The following CHST11 variants were observed in gnomAD, a reference collection of about 807,000 sequenced individuals.
CHST11 encodes the protein C4S-1.
CHST11 carries 9 observed loss-of-function variants against 30.4 expected under a neutral mutation model. The ratio of observed to expected loss-of-function variants is 0.30; its 90% CI spans 0.18 to 0.52. The LOEUF (loss-of-function observed/expected upper bound fraction) is 0.52. CHST11 is among the 20% of genes least tolerant of loss of function. The probability of loss-of-function intolerance (pLI) is 0.97; values close to 1 mark genes in which losing one functional copy is unlikely to be tolerated. For missense variants in CHST11, 348 were observed against 460.6 expected, an observed-to-expected ratio of 0.76 and a Z score of 2.24; for synonymous variants, 152 against 187.8, an observed-to-expected ratio of 0.81 and a Z score of 1.56.
chr12:104,747,664 A>G (rs1174049909), intron 2 of CHST11, among the ~76,000 whole-genome samples: 1 of 152,148 alleles, frequency 6.6e-6, no homozygotes, highest in Non-Finnish European at 1.5e-5. Context: ...GGGGTTTTGC[A>G]TTCAGATTTT....
At chr12:104,478,445 G>T (rs1205532326) in intron 1 of CHST11, among the ~76,000 whole-genome samples, 1 of 152,072 alleles carries the variant, frequency 6.6e-6, no homozygotes, top group African/African-American at 2.4e-5. Context: ...CTGAATTCTG[G>T]AGTCTCCACT....
chr12:104,481,764 AC>A (rs1184898785), intron 1 of CHST11, among the ~76,000 whole-genome samples: 2 of 145,462 alleles, frequency 1.4e-5, no homozygotes, highest in East Asian at 4.5e-4. Context: ...TGTAAATAGG[AC>A]TGTTTCCTTC....
intron 1 of CHST11, among the ~76,000 whole-genome samples, chr12:104,592,700 C>A (rs2038871690): frequency 6.6e-6 from 1 of 152,210 alleles, no homozygotes; most frequent in Non-Finnish European, 1.5e-5. Flanking sequence ...CATTCTCTTT[C>A]CTTCTGTGAA....
At chr12:104,476,393 C>T (rs1030307280) in intron 1 of CHST11, among the ~76,000 whole-genome samples, 1 of 151,354 alleles carries the variant, frequency 6.6e-6, no homozygotes, top group Non-Finnish European at 1.5e-5. Context: ...AAGATGAAAT[C>T]GTCAGGCTTA....
rs139156586 is a variant in CHST11 at position 104,621,586 on chromosome 12, C to T, written c.204+19595C>T. The stretch of plus-strand genomic sequence containing the variant: ...GATAAGGGAGGCAGGAGTGTCAAAG[C>T]CAGGAAAAGAGATGTTGTGAGGATG... On this transcript the variant is annotated intron_variant, in intron 2 of 2. Coordinates refer to ENST00000303694, the MANE Select transcript of CHST11 (RefSeq NM_018413.6). 4.0e-3 allele frequency among the ~76,000 whole-genome samples: 604 copies of T among 152,160 alleles called. 6 individuals carry two copies. Among genetic ancestry groups the T allele is most frequent in the African/African-American group, 0.014 (571 of 41,500 alleles).
Position 104,758,066 on chromosome 12 carries a change from A to T in CHST11, c.*263A>T, listed in dbSNP as rs2040494980. On this transcript the variant is annotated 3_prime_UTR_variant, in exon 3 of 3. Transcript: ENST00000303694. ...TTCTTGTGTTCTGGTGAATTCCATGAATTGTGCATTCCATAAATTCTAATT... is the reference window on the plus strand; with the variant it reads ...TTCTTGTGTTCTGGTGAATTCCATGTATTGTGCATTCCATAAATTCTAATT... 1 of 347,290 alleles carries T rather than the reference A, an allele frequency of 2.9e-6. No homozygotes were observed. Among genetic ancestry groups the T allele is most frequent in the Non-Finnish European group, 5.2e-6 (1 of 192,184 alleles). The allele number at this position is 347,290 out of a possible 1,614,324, so 21.5% of individuals were successfully genotyped here. A position where few individuals can be genotyped will look rare whatever the true frequency, so the allele number is the denominator to read the frequency against.
intron 1 of CHST11, among the ~76,000 whole-genome samples, chr12:104,584,715 A>G (rs2038784622): frequency 6.6e-6 from 1 of 152,164 alleles, no homozygotes; most frequent in African/African-American, 2.4e-5. Context: ...TTATTTTAAT[A>G]ACAGTAGCAT....
At chr12:104,464,458 T>C (rs1214107510) in intron 1 of CHST11, among the ~76,000 whole-genome samples, 3 of 152,014 alleles carry the variant, frequency 2.0e-5, no homozygotes, top group Non-Finnish European at 2.9e-5. Flanking sequence ...TACCACCTGC[T>C]CCCCCTTGAC....
chr12:104,757,444 G>T lies in CHST11; in HGVS notation c.700G>T (p.Asp234Tyr). The T allele has an allele frequency of 1.2e-6, 2 of 1,614,016 alleles. No individual in the cohort carries two copies. Among genetic ancestry groups the T allele is most frequent in the Non-Finnish European group, 1.7e-6 (2 of 1,180,014 alleles). Residue 234 changes from aspartate to tyrosine, a missense_variant, in exon 3 of 3, where the codon GAT becomes TAT. By Grantham distance (160) the Asp-to-Tyr change is radical. Coordinates refer to ENST00000303694, the MANE Select transcript of CHST11 (RefSeq NM_018413.6). The surrounding 1 kb of genome is among the most constrained non-coding windows in gnomAD (Gnocchi z 6.5). ...ATQEALRKGD[D>Y]VKFEEFVAYL... Reference sequence around the variant, plus strand: ...CCAGGAGGCCCTGCGCAAAGGGGACGATGTCAAATTCGAGGAGTTTGTGGC... The same window carrying T: ...CCAGGAGGCCCTGCGCAAAGGGGACTATGTCAAATTCGAGGAGTTTGTGGC...
chr12:104,509,734 T>G (rs118061512), intron 1 of CHST11, among the ~76,000 whole-genome samples: 1 of 152,372 alleles, frequency 6.6e-6, no homozygotes, highest in East Asian at 1.9e-4. Context: ...GATAGGCATA[T>G]GCTAGCAAGC....
At chr12:104,710,854 T>C (rs554532326) in intron 2 of CHST11, among the ~76,000 whole-genome samples, 33 of 152,330 alleles carry the variant, frequency 2.2e-4, no homozygotes, top group Middle Eastern at 3.4e-3. Context: ...CAAACTTCTC[T>C]ACAGCTTCTT....
chr12:104,572,768 T>G (rs1049712471), intron 1 of CHST11, among the ~76,000 whole-genome samples: 2 of 152,244 alleles, frequency 1.3e-5, no homozygotes, highest in African/African-American at 4.8e-5. Flanking sequence ...CTTTTGAATG[T>G]GTTTGCTCTT....
chr12:104,668,332 A>T (rs937486283), intron 2 of CHST11, among the ~76,000 whole-genome samples: 10 of 152,152 alleles, frequency 6.6e-5, no homozygotes, highest in African/African-American at 2.4e-4. Flanking sequence ...TGGGTAGTAG[A>T]TTATGTCATT....
intron 2 of CHST11, among the ~76,000 whole-genome samples, chr12:104,700,690 T>G (rs557081587): frequency 3.9e-5 from 6 of 152,210 alleles, no homozygotes; most frequent in South Asian, 2.1e-4. Context: ...TTTCAAAAAC[T>G]TTTTCTTTTT....
At chr12:104,681,241 A>G (rs892021065) in intron 2 of CHST11, among the ~76,000 whole-genome samples, 3 of 152,354 alleles carry the variant, frequency 2.0e-5, no homozygotes, top group Non-Finnish European at 4.4e-5. Context: ...GATAGGATAC[A>G]TAGAAATAGA....
chr12:104,709,499 C>T (rs912208879), intron 2 of CHST11, among the ~76,000 whole-genome samples: 4 of 152,152 alleles, frequency 2.6e-5, no homozygotes, highest in Admixed American at 6.5e-5. Flanking sequence ...TGGGTGGGGC[C>T]GGGGAGCTGG....
intron 1 of CHST11, among the ~76,000 whole-genome samples, chr12:104,493,540 A>G (rs1170814248): frequency 6.6e-6 from 1 of 152,144 alleles, no homozygotes; most frequent in East Asian, 1.9e-4. Context: ...AGGGGTGGAA[A>G]TAGTGTATGC....
At chr12:104,556,337 G>A (rs1040367185) in intron 1 of CHST11, among the ~76,000 whole-genome samples, 7 of 152,126 alleles carry the variant, frequency 4.6e-5, no homozygotes, top group Non-Finnish European at 8.8e-5. Flanking sequence ...GAGGGCTACA[G>A]GAAGAGGATC....
intron 2 of CHST11, among the ~76,000 whole-genome samples, chr12:104,712,144 G>A (rs2040093653): frequency 6.6e-6 from 1 of 152,280 alleles, no homozygotes; most frequent in South Asian, 2.1e-4. Flanking sequence ...GGCGCGGGGT[G>A]AGCATTTGAC....
Sources: gnomAD v4.1 joint callset for allele counts (sites outside exome capture counted in the v4.1 genomes callset) on GRCh38, gnomAD v4.1.1 for gene constraint, Gnocchi (gnomAD v3.1) non-coding constraint, MANE v1.5 for transcripts, NCBI Gene and HGNC (gene_info 2026-07-23, HGNC 2026-07-21) for gene names.